The following LVRN variants were observed in gnomAD, a reference collection of about 807,000 sequenced individuals.
LVRN encodes laeverin.
In LVRN, 99 loss-of-function variants were observed where a neutral mutation model predicts 111.4. That is an observed-to-expected ratio of 0.89 (90% CI 0.76 to 1.05). LVRN has a LOEUF of 1.05. Ranked by LOEUF, LVRN falls within the 50% of genes least tolerant of loss-of-function variation. The pLI is 0.00. For missense variants in LVRN, 1,414 were observed against 1,206.8 expected (o/e 1.17, Z -2.54); for synonymous variants, 488 against 449.5 (o/e 1.09, Z -1.08).
At chr5:115,978,844 T>C (rs1486824739) in intron 1 of LVRN, among the ~76,000 whole-genome samples, 1 of 152,146 alleles carries the variant, frequency 6.6e-6, no homozygotes, top group Admixed American at 6.5e-5. Context: ...AGGTGACACA[T>C]AGGACTTCTT....
Position 116,026,413 on chromosome 5 carries a change from C to T in LVRN, c.*295C>T, listed in dbSNP as rs1417458522. 2 of 380,974 alleles carry T rather than the reference C, an allele frequency of 5.2e-6. No homozygotes were observed. The highest frequency in any genetic ancestry group is 9.7e-6 in the Non-Finnish European group (2 of 205,154). 23.6% of individuals were successfully genotyped at this position (380,974 alleles called of 1,614,324 possible). On this transcript the variant is annotated 3_prime_UTR_variant, in exon 20 of 20. Transcript: ENST00000357872. Reference sequence around the variant, plus strand: ...TAAAAACAAATTCACCTAAGATAGTCTTGCTTATTTTGTTGCGAAGGCCAG... The same window carrying T: ...TAAAAACAAATTCACCTAAGATAGTTTTGCTTATTTTGTTGCGAAGGCCAG...
At chr5:115,996,456 C>G (rs900109208) in intron 6 of LVRN, among the ~76,000 whole-genome samples, 1 of 152,172 alleles carries the variant, frequency 6.6e-6, no homozygotes, top group Non-Finnish European at 1.5e-5. Flanking sequence ...ATCTTGGCAA[C>G]TGAGGACATT....
At position 116,011,129 on chromosome 5, in the gene LVRN, C is replaced by T. The variant is rs1748481216; in HGVS notation, c.2247+235C>T. 2.9e-5 allele frequency among the ~76,000 whole-genome samples: 4 copies of T among 139,210 alleles called. No homozygotes were observed. The South Asian group carries it at 9.3e-4, about 32-fold the overall frequency. 91.3% of individuals were successfully genotyped at this position (139,210 alleles called of 152,430 possible). ...ATGAGTGAGGTTTGGAAGGGTACTT[C>T]ATTCTTGGTGAAGTGACAGTATGTC... On this transcript the variant is annotated intron_variant, in intron 14 of 19. Transcript: ENST00000357872.
chr5:116,014,402 T>A lies in LVRN; in HGVS notation c.2343-18T>A. The A allele has an allele frequency of 1.3e-6, 2 of 1,591,602 alleles. No homozygotes were observed. Among genetic ancestry groups the A allele is most frequent in the Non-Finnish European group, 8.6e-7 (1 of 1,161,910 alleles). On this transcript the variant is annotated intron_variant, in intron 15 of 19. Transcript: ENST00000357872. ...GGTAATGCAAAATAAACTGTTTTTC[T>A]TTGACTTTTTCTTCAAGAATATCAC...
chr5:115,981,472 T>C (rs949168487), intron 1 of LVRN, among the ~76,000 whole-genome samples: 14 of 152,092 alleles, frequency 9.2e-5, no homozygotes, highest in Non-Finnish European at 1.6e-4. Context: ...ATAGTAGGTG[T>C]ATATATGTGT....
rs201638928 is a variant in LVRN at position 116,012,380 on chromosome 5, C to G, written c.2254C>G (p.Leu752Val). 10 of 1,447,132 alleles carry G rather than the reference C, an allele frequency of 6.9e-6. No individual in the cohort carries two copies. In the East Asian group the frequency reaches 2.3e-4, roughly 33 times the overall value. The allele number at this position is 1,447,132 out of a possible 1,614,324, so 89.6% of individuals were successfully genotyped here. ...TTTTCTTTATTGTTTATAGAGGTACCTATTAAAGAGACTTAATTTAATATG... is the reference window on the plus strand; with the variant it reads ...TTTTCTTTATTGTTTATAGAGGTACGTATTAAAGAGACTTAATTTAATATG... ...YDIYSLLKRYLLKRLNLIWNI... is the reference protein window; with the variant it reads ...YDIYSLLKRYVLKRLNLIWNI... Residue 752 changes from leucine to valine, a missense_variant, in exon 15 of 20, where the codon CTA becomes GTA. Coordinates refer to ENST00000357872, the MANE Select transcript of LVRN (RefSeq NM_173800.5).
intron 18 of LVRN, among the ~76,000 whole-genome samples, chr5:116,016,334 A>G (rs886393140): frequency 1.3e-5 from 2 of 152,234 alleles, no homozygotes; most frequent in African/African-American, 4.8e-5. Flanking sequence ...CACTAATTAA[A>G]CAGACATATT....
chr5:115,968,269 A>T (rs1329316618), intron 1 of LVRN, among the ~76,000 whole-genome samples: 1 of 52,944 alleles, frequency 1.9e-5, no homozygotes, highest in East Asian at 5.3e-4. Context: ...TCTTCTATTC[A>T]TATTTTTTTC....
chr5:116,015,357 A>G lies in LVRN; in HGVS notation c.2556A>G (p.Lys852=). 1 of 1,612,130 alleles carries G rather than the reference A, an allele frequency of 6.2e-7. No homozygotes were observed. ...LLNTYTNTTN[K]EEKIQLAYAM... is the part of the protein sequence containing the mutation. ...ATACTTACACTAATACAACAAACAAAGAAGAAAAGATTCAACTTGCTTATG... is the reference window on the plus strand; with the variant it reads ...ATACTTACACTAATACAACAAACAAGGAAGAAAAGATTCAACTTGCTTATG... Residue 852 remains lysine, a synonymous_variant, in exon 17 of 20, where the codon AAA becomes AAG. Coordinates refer to ENST00000357872, the MANE Select transcript of LVRN (RefSeq NM_173800.5).
At chr5:115,975,239 T>C (rs532547391) in intron 1 of LVRN, 13 of 464,338 alleles carry the variant, frequency 2.8e-5, no homozygotes, top group African/African-American at 2.6e-4. Flanking sequence ...TCACACCCCA[T>C]GTCCAGCATA....
intron 18 of LVRN, among the ~76,000 whole-genome samples, chr5:116,016,030 C>T (rs1249054916): frequency 2.6e-5 from 4 of 152,198 alleles, no homozygotes; most frequent in Non-Finnish European, 5.9e-5. Context: ...AAACAGTTGC[C>T]TATTCTACTT....
chr5:116,006,800 C>G (rs1748385211), intron 13 of LVRN, among the ~76,000 whole-genome samples: 1 of 152,206 alleles, frequency 6.6e-6, no homozygotes. Flanking sequence ...TTGATGACTT[C>G]CAAATCTACA....
intron 2 of LVRN, 112 bp from the exon 3 acceptor site, chr5:115,984,458 A>C (rs1240661180): frequency 7.7e-7 from 1 of 1,303,094 alleles, no homozygotes; most frequent in Admixed American, 2.2e-5. Context: ...CTGCTAGACT[A>C]TGAGGAATAG....
intron 13 of LVRN, among the ~76,000 whole-genome samples, chr5:116,008,588 G>C (rs953258535): frequency 6.5e-5 from 8 of 122,412 alleles, no homozygotes; most frequent in African/African-American, 1.4e-4. Context: ...TACTGCTCCA[G>C]TGAATACATG....
intron 6 of LVRN, among the ~76,000 whole-genome samples, chr5:115,994,579 G>A (rs10066618): frequency 0.66 from 100,482 of 152,066 alleles, 33,869 homozygotes; most frequent in East Asian, 0.94. Context: ...AACCTAGACT[G>A]TATTTTAAAG....
chr5:115,982,692 T>C (rs1258041887), intron 1 of LVRN, among the ~76,000 whole-genome samples: 1 of 152,112 alleles, frequency 6.6e-6, no homozygotes, highest in Non-Finnish European at 1.5e-5. Context: ...ACTCTTTGTA[T>C]TTTGCCATGG....
chr5:116,004,329 A>T (rs564772021), intron 12 of LVRN, among the ~76,000 whole-genome samples: 1 of 152,288 alleles, frequency 6.6e-6, no homozygotes, highest in East Asian at 1.9e-4. Context: ...CCATGAGTGG[A>T]GCTGGACGCC....
chr5:115,983,542 T>G, intron 2 of LVRN, 113 bp downstream of exon 2: 3 of 1,190,060 alleles, frequency 2.5e-6, no homozygotes, highest in Non-Finnish European at 3.4e-6. Flanking sequence ...AATTACAGTC[T>G]ACTATAATTA....
chr5:116,000,029 AT>A, intron 7 of LVRN, 127 bp downstream of exon 7: 7 of 1,035,794 alleles, frequency 6.8e-6, no homozygotes, highest in Non-Finnish European at 9.6e-6. Flanking sequence ...TTTTAATTCA[AT>A]ACATAGGTAT....
Sources: gnomAD v4.1 joint callset for allele counts (sites outside exome capture counted in the v4.1 genomes callset) on GRCh38, gnomAD v4.1.1 for gene constraint, MANE v1.5 for transcripts, NCBI Gene and HGNC (gene_info 2026-07-23, HGNC 2026-07-21) for gene names.